GAREM1: variants seen among roughly 807,000 people sequenced by gnomAD.
GAREM1 encodes GRB2-associated and regulator of MAPK protein 1.
GAREM1 carries 26 observed loss-of-function variants against 71.3 expected under a neutral mutation model. That is an observed-to-expected ratio of 0.36 (90% CI 0.27 to 0.51). The LOEUF is 0.51. Ranked by LOEUF, GAREM1 falls within the 20% of genes least tolerant of loss-of-function variation. The pLI, the probability that GAREM1 is intolerant of heterozygous loss-of-function variation, is 0.95. For synonymous variants in GAREM1, 440 were observed against 433.2 expected (o/e 1.02, Z -0.20); for missense variants, 1,026 against 1,103.1 (o/e 0.93, Z 0.99).
At chr18:32,441,990 T>G (rs905091965) in intron 1 of GAREM1, among the ~76,000 whole-genome samples, 1 of 147,332 alleles carries the variant, frequency 6.8e-6, no homozygotes, top group Admixed American at 6.8e-5. Context: ...AGGTGCAAAT[T>G]GTAATTTTTT....
chr18:32,442,522 AC>A (rs1260928189), intron 1 of GAREM1, among the ~76,000 whole-genome samples: 5 of 152,208 alleles, frequency 3.3e-5, no homozygotes, highest in Admixed American at 6.6e-5. Context: ...GGATGAAAAA[AC>A]ATCTTGTTTT....
chr18:32,367,192 C>G (rs941086882), intron 2 of GAREM1, among the ~76,000 whole-genome samples: 11 of 152,134 alleles, frequency 7.2e-5, no homozygotes, highest in South Asian at 2.1e-4. Context: ...TAAAACTGAT[C>G]AAGTACTATT....
chr18:32,287,465 C>T lies in GAREM1; in HGVS notation c.1132G>A (p.Glu378Lys). The change falls in exon 4 of 6, where the codon GAG becomes AAG. Residue 378 changes from glutamate (E) to lysine (K), a missense_variant. By Grantham distance (56) the Glu-to-Lys change is moderately conservative (BLOSUM62 1). Transcript: ENST00000269209. This position sits in a 1 kb window ranked among gnomAD's most constrained non-coding sequence, Gnocchi z 5.9. ...AGTCGGTGGAAGGACTGGGTGAGCT[C>T]ATCGCGGGCGTAGCTGAGCGAATTG... Reference protein sequence around the residue: ...VPNSLSYARDELTQSFHRLSV... With the variant: ...VPNSLSYARDKLTQSFHRLSV... 1 of 1,614,196 alleles carries T rather than the reference C, an allele frequency of 6.2e-7. No homozygotes were observed. Among genetic ancestry groups the T allele is most frequent in the Non-Finnish European group, 8.5e-7 (1 of 1,180,028 alleles).
At chr18:32,445,507 AAGAG>A (rs938645892) in intron 1 of GAREM1, among the ~76,000 whole-genome samples, 1 of 152,130 alleles carries the variant, frequency 6.6e-6, no homozygotes, top group African/African-American at 2.4e-5. Context: ...TTATTTTAAA[AAGAG>A]AGAGAAAATA....
chr18:32,287,631 C>T lies in GAREM1; in HGVS notation c.966G>A (p.Leu322=), dbSNP rs770655603. ...LVKGESWPET[L]VHHWLGICQE... ...GGCAGATACCTAGCCAGTGATGGAC[C>T]AGGGTTTCGGGCCAGCTCTCTCCCT... The change falls in exon 4 of 6, where the codon CTG becomes CTA. Residue 322 remains leucine, a synonymous_variant. Coordinates refer to ENST00000269209, the MANE Select transcript of GAREM1 (RefSeq NM_001242409.2). The surrounding 1 kb of genome is among the most constrained non-coding windows in gnomAD (Gnocchi z 5.9). 1.9e-6 allele frequency: 3 copies of T among 1,614,014 alleles called. No homozygotes were observed. In the African/African-American group the frequency reaches 4.0e-5, roughly 22 times the overall value.
chr18:32,406,277 A>G (rs1411957879), intron 1 of GAREM1, among the ~76,000 whole-genome samples: 1 of 151,966 alleles, frequency 6.6e-6, no homozygotes, highest in African/African-American at 2.4e-5. Context: ...CAATCCACCC[A>G]CCTCAACCTC....
intron 2 of GAREM1, among the ~76,000 whole-genome samples, chr18:32,361,013 ATAAAATTC>A (rs2047860162): frequency 6.6e-6 from 1 of 152,206 alleles, no homozygotes; most frequent in South Asian, 2.1e-4. Context: ...TTTAGAAATA[ATAAAATTC>A]TCAAAAATGA....
intron 1 of GAREM1, among the ~76,000 whole-genome samples, chr18:32,417,264 T>C (rs2048474342): frequency 6.6e-6 from 1 of 152,234 alleles, no homozygotes; most frequent in Admixed American, 6.5e-5. Context: ...TCATACACTG[T>C]TGGTAGTAAC....
Position 32,447,562 on chromosome 18 carries a change from G to C in GAREM1, c.121+22746C>G, listed in dbSNP as rs943430305. Among the ~76,000 whole-genome samples, 116 of 152,060 alleles carry C rather than the reference G, an allele frequency of 7.6e-4. 1 individual carries two copies. Among genetic ancestry groups the C allele is most frequent in the African/African-American group, 2.7e-3 (113 of 41,404 alleles). ...TTTCTTATCGCATCATAACAATGTAGTGGTGAAGTCTAGAAAACTATTTAT... is the reference window on the plus strand; with the variant it reads ...TTTCTTATCGCATCATAACAATGTACTGGTGAAGTCTAGAAAACTATTTAT... On this transcript the variant is annotated intron_variant, in intron 1 of 5. Transcript: ENST00000269209.
At chr18:32,322,489 TG>T (rs34585306) in intron 2 of GAREM1, among the ~76,000 whole-genome samples, 2 of 148,972 alleles carry the variant, frequency 1.3e-5, no homozygotes, top group Non-Finnish European at 3.0e-5. Context: ...CTATAAAGAT[TG>T]GGGTCAGTTA....
At chr18:32,368,929 A>G (rs17736489) in intron 2 of GAREM1, among the ~76,000 whole-genome samples, 9,346 of 152,316 alleles carry the variant, frequency 0.061, 304 homozygotes, top group South Asian at 0.078. Context: ...CTGCTTTGTG[A>G]ATTCAATATA....
At chr18:32,395,437 T>C (rs1599016630) in intron 1 of GAREM1, among the ~76,000 whole-genome samples, 1 of 152,200 alleles carries the variant, frequency 6.6e-6, no homozygotes, top group African/African-American at 2.4e-5. Flanking sequence ...CATTCGAAGG[T>C]GAGAGATGCT....
intron 2 of GAREM1, among the ~76,000 whole-genome samples, chr18:32,388,057 T>C (rs947360764): frequency 1.3e-5 from 2 of 152,100 alleles, no homozygotes; most frequent in South Asian, 2.1e-4. Context: ...AAAAGAATGG[T>C]TGTTACCTAT....
At chr18:32,380,193 C>T (rs187598756) in intron 2 of GAREM1, among the ~76,000 whole-genome samples, 3 of 152,152 alleles carry the variant, frequency 2.0e-5, no homozygotes, top group East Asian at 3.9e-4. Context: ...AATCAAGTCT[C>T]GGCCGGGAGC....
At chr18:32,333,627 A>G (rs990723637) in intron 2 of GAREM1, among the ~76,000 whole-genome samples, 1 of 151,962 alleles carries the variant, frequency 6.6e-6, no homozygotes, top group Non-Finnish European at 1.5e-5. Flanking sequence ...AACCTCACCC[A>G]CTCTTTTTAA....
chr18:32,430,998 A>G (rs1424829039), intron 1 of GAREM1, among the ~76,000 whole-genome samples: 4 of 152,138 alleles, frequency 2.6e-5, no homozygotes, highest in Non-Finnish European at 2.9e-5. Flanking sequence ...GTGATCCTAT[A>G]AATTTGAGTA....
chr18:32,466,407 G>C (rs149015498), intron 1 of GAREM1, among the ~76,000 whole-genome samples: 146 of 152,256 alleles, frequency 9.6e-4, no homozygotes, highest in African/African-American at 3.2e-3. Flanking sequence ...AGAGTTTTTA[G>C]AATGATGTAA....
At chr18:32,274,883 TG>T (rs1263247751) in intron 4 of GAREM1, among the ~76,000 whole-genome samples, 3 of 151,416 alleles carry the variant, frequency 2.0e-5, no homozygotes, top group African/African-American at 7.3e-5. Flanking sequence ...TAGCAGAGTT[TG>T]GGGATTTGTC....
chr18:32,358,061 T>C (rs1321002177), intron 2 of GAREM1, among the ~76,000 whole-genome samples: 1 of 152,032 alleles, frequency 6.6e-6, no homozygotes, highest in Admixed American at 6.5e-5. Context: ...TGACAAGCTA[T>C]TACCCCTTAG....
Sources: allele counts gnomAD v4.1 joint callset (sites outside exome capture counted in the v4.1 genomes callset), GRCh38; gene constraint gnomAD v4.1.1; non-coding constraint Gnocchi (gnomAD v3.1); transcripts MANE v1.5; gene names NCBI Gene and HGNC (gene_info 2026-07-23, HGNC 2026-07-21).